Variants in ARHGEF3 observed in about 807,000 individuals in gnomAD.
The protein encoded by ARHGEF3 is Rho guanine nucleotide exchange factor 3.
Under a neutral mutation model 63.2 loss-of-function variants are expected in ARHGEF3, and 28 were observed. The observed-to-expected ratio is 0.44, with a 90% CI of 0.33 to 0.61. The LOEUF (loss-of-function observed/expected upper bound fraction) is 0.61, where lower values mean the gene tolerates loss of function less well. Ranked by LOEUF, ARHGEF3 falls within the 20% of genes least tolerant of loss-of-function variation. The pLI, the probability that ARHGEF3 is intolerant of heterozygous loss-of-function variation, is 0.03. For synonymous variants in ARHGEF3, 266 were observed against 254.2 expected (o/e 1.05, Z -0.44); for missense variants, 533 against 659.3 (o/e 0.81, Z 2.10).
intron 1 of ARHGEF3, among the ~76,000 whole-genome samples, chr3:57,068,919 ATT>A (rs35984791): frequency 4.3e-5 from 6 of 138,240 alleles, no homozygotes; most frequent in African/African-American, 5.3e-5. Context: ...AAAAGATCTG[ATT>A]TTTTTTTTTT....
At chr3:56,905,466 GTATT>G (rs766465486) in intron 3 of ARHGEF3, among the ~76,000 whole-genome samples, 1 of 152,190 alleles carries the variant, frequency 6.6e-6, no homozygotes, top group Non-Finnish European at 1.5e-5. Flanking sequence ...GTGCAATAAT[GTATT>G]TATTTAAGTC....
At chr3:56,963,441 T>C (rs1266575993) in intron 2 of ARHGEF3, among the ~76,000 whole-genome samples, 2 of 152,302 alleles carry the variant, frequency 1.3e-5, no homozygotes, top group East Asian at 1.9e-4. Flanking sequence ...TTGTTTTAGA[T>C]AACAACATGG....
chr3:57,029,197 G>A (rs1026445608), intron 2 of ARHGEF3, among the ~76,000 whole-genome samples: 9 of 152,146 alleles, frequency 5.9e-5, no homozygotes, highest in South Asian at 2.1e-4. Flanking sequence ...TTGGGAGGCC[G>A]AGGCAGGCAG....
intron 7 of ARHGEF3, among the ~76,000 whole-genome samples, chr3:56,740,849 C>T (rs931251657): frequency 5.3e-5 from 8 of 152,156 alleles, no homozygotes; most frequent in African/African-American, 1.7e-4. Context: ...TGCAAATATC[C>T]AGGAAACCAG....
chr3:56,846,024 A>T, intron 4 of ARHGEF3, among the ~76,000 whole-genome samples: 1 of 152,220 alleles, frequency 6.6e-6, no homozygotes, highest in Non-Finnish European at 1.5e-5. Flanking sequence ...CGCTGCTTTA[A>T]GGATCTCTGT....
At chr3:56,848,958 C>T (rs62249815) in intron 4 of ARHGEF3, among the ~76,000 whole-genome samples, 8,690 of 152,312 alleles carry the variant, frequency 0.057, 336 homozygotes, top group Middle Eastern at 0.12. Flanking sequence ...CGTGAGCCAC[C>T]GCACCTGGCC....
chr3:56,908,713 T>C (rs939042030), intron 3 of ARHGEF3, among the ~76,000 whole-genome samples: 5 of 152,154 alleles, frequency 3.3e-5, no homozygotes, highest in Admixed American at 3.3e-4. Flanking sequence ...AATATTATTA[T>C]TATTAGCTGT....
chr3:56,915,992 C>T (rs1396880707), intron 3 of ARHGEF3, among the ~76,000 whole-genome samples: 1 of 152,146 alleles, frequency 6.6e-6, no homozygotes, highest in African/African-American at 2.4e-5. Context: ...AAAAGCCCTT[C>T]CCTTTGTTCC....
intron 4 of ARHGEF3, among the ~76,000 whole-genome samples, chr3:56,817,121 A>T (rs1270884650): frequency 6.6e-6 from 1 of 152,198 alleles, no homozygotes. Flanking sequence ...CACGAGGGAG[A>T]ACCACCAAAA....
intron 1 of ARHGEF3, among the ~76,000 whole-genome samples, chr3:56,792,127 A>G (rs2037116743): frequency 1.4e-5 from 2 of 146,664 alleles, no homozygotes; most frequent in South Asian, 2.1e-4. Context: ...AGAAAAGAAA[A>G]GAAAAGAAAA....
chr3:56,856,706 T>TG (rs1301736729), intron 4 of ARHGEF3, among the ~76,000 whole-genome samples: 3 of 108,962 alleles, frequency 2.8e-5, no homozygotes, highest in Non-Finnish European at 6.6e-5. Context: ...GAGAGGTTTT[T>TG]TGTTTTTTTT....
At chr3:56,822,492 G>C (rs975427691) in intron 4 of ARHGEF3, among the ~76,000 whole-genome samples, 16 of 152,312 alleles carry the variant, frequency 1.1e-4, no homozygotes, top group Admixed American at 9.2e-4. Flanking sequence ...AACTGTTTAT[G>C]AGGGCACCTA....
intron 4 of ARHGEF3, among the ~76,000 whole-genome samples, chr3:56,808,658 C>A (rs901324713): frequency 1.3e-5 from 2 of 151,184 alleles, no homozygotes; most frequent in African/African-American, 2.4e-5. Flanking sequence ...TTTGTTTTTT[C>A]AAAAAAATAA....
intron 3 of ARHGEF3, among the ~76,000 whole-genome samples, chr3:56,883,331 C>CCT (rs1294261780): frequency 1.3e-5 from 2 of 151,280 alleles, no homozygotes; most frequent in African/African-American, 4.9e-5. Context: ...ACAGGGTCTC[C>CCT]CTCTGTTGCC....
rs573153767 is a variant in ARHGEF3, at chr3:56,887,281, C to T, written c.130-4927G>A. 1.3e-4 allele frequency among the ~76,000 whole-genome samples: 20 copies of T among 152,272 alleles called. No individual in the cohort carries two copies. The South Asian group carries it at 2.5e-3, about 19-fold the overall frequency. Reference sequence around the variant, plus strand: ...ACAATTAGCAACATGTGCTGGGGAACGAATTGGGGCACAGCAGCAAGGGCG... The same window carrying T: ...ACAATTAGCAACATGTGCTGGGGAATGAATTGGGGCACAGCAGCAAGGGCG... On this transcript the variant is annotated intron_variant, in intron 3 of 12. Coordinates refer to the ARHGEF3 transcript ENST00000338458.
At chr3:56,811,247 T>C (rs1488519627) in intron 4 of ARHGEF3, among the ~76,000 whole-genome samples, 1 of 152,216 alleles carries the variant, frequency 6.6e-6, no homozygotes, top group Non-Finnish European at 1.5e-5. Context: ...ATTTAAAACA[T>C]GCTTATCTTC....
chr3:57,075,772 T>G (rs1328175116), intron 1 of ARHGEF3, among the ~76,000 whole-genome samples: 2 of 152,198 alleles, frequency 1.3e-5, no homozygotes, highest in Non-Finnish European at 2.9e-5. Flanking sequence ...ATCACGCCAC[T>G]GCATGCCAGC....
intron 3 of ARHGEF3, among the ~76,000 whole-genome samples, chr3:56,943,639 G>C (rs1699301683): frequency 6.6e-6 from 1 of 152,118 alleles, no homozygotes; most frequent in East Asian, 1.9e-4. Flanking sequence ...TTTAGGTCAG[G>C]CACAGTGGTT....
At chr3:56,936,359 A>T (rs1183936185) in intron 3 of ARHGEF3, among the ~76,000 whole-genome samples, 1 of 152,206 alleles carries the variant, frequency 6.6e-6, no homozygotes, top group Non-Finnish European at 1.5e-5. Context: ...TTCTCTTATT[A>T]AAAAGCCATT....
Sources: allele counts gnomAD v4.1 joint callset (sites outside exome capture counted in the v4.1 genomes callset), GRCh38; gene constraint gnomAD v4.1.1; transcripts MANE v1.5; gene names NCBI Gene and HGNC (gene_info 2026-07-23, HGNC 2026-07-21).